The following MECOM variants were observed in gnomAD, a reference collection of about 807,000 sequenced individuals.
The protein encoded by MECOM is histone-lysine N-methyltransferase MECOM.
Under a neutral mutation model 116.3 loss-of-function variants are expected in MECOM, and 13 were observed. The observed-to-expected ratio is 0.11, with a 90% confidence interval of 0.07 to 0.18. MECOM has a LOEUF of 0.18. MECOM is among the 10% of genes least tolerant of loss of function. The pLI, the probability that MECOM is intolerant of heterozygous loss-of-function variation, is 1.00. For synonymous variants in MECOM, 528 were observed against 535.2 expected (o/e 0.99, Z 0.19); for missense variants, 1,299 against 1,509.0 (o/e 0.86, Z 2.31).
chr3:169,380,086 T>C (rs1732143951), intron 2 of MECOM, among the ~76,000 whole-genome samples: 1 of 152,128 alleles, frequency 6.6e-6, no homozygotes, highest in South Asian at 2.1e-4. Flanking sequence ...AGAGGATACA[T>C]ATAAAGCAAG....
At chr3:169,348,074 T>TA (rs1299713328) in intron 2 of MECOM, among the ~76,000 whole-genome samples, 2 of 151,204 alleles carry the variant, frequency 1.3e-5, no homozygotes, top group African/African-American at 2.4e-5. Flanking sequence ...CACTGAGCCT[T>TA]AAAAAAAAAT....
chr3:169,591,195 T>C (rs1766360538), intron 1 of MECOM, among the ~76,000 whole-genome samples: 1 of 152,156 alleles, frequency 6.6e-6, no homozygotes, highest in Non-Finnish European at 1.5e-5. Flanking sequence ...CTCTCGCTTA[T>C]TAGTGGAGGA....
In MECOM at chr3:169,611,281, A is replaced by G. The variant is rs986110694; in HGVS notation, c.37+52055T>C. On this transcript the variant is annotated intron_variant, in intron 1 of 16. Transcript: ENST00000651503. The surrounding 1 kb of genome is among the most constrained non-coding windows in gnomAD (Gnocchi z 4.1). ...TCGGGCACTGCCACTGTCTCTTCCA[A>G]TGCAATTTGTACATTATGCCGAATC... is the stretch of plus-strand genomic sequence containing the variant. 5.9e-5 allele frequency among the ~76,000 whole-genome samples: 9 copies of G among 152,196 alleles called. No homozygotes were observed. The highest frequency in any genetic ancestry group is 1.9e-4 in the African/African-American group (8 of 41,438).
At chr3:169,161,853 G>A (rs745679890) in intron 2 of MECOM, among the ~76,000 whole-genome samples, 3 of 152,044 alleles carry the variant, frequency 2.0e-5, no homozygotes, top group Non-Finnish European at 4.4e-5. Context: ...AGGCCTATGC[G>A]GGGAACAATT....
intron 1 of MECOM, among the ~76,000 whole-genome samples, chr3:169,485,687 C>T (rs915711942): frequency 1.3e-5 from 2 of 151,390 alleles, no homozygotes; most frequent in Admixed American, 1.3e-4. Context: ...ACTAAAAAGG[C>T]TGCGTGCTCA....
intron 2 of MECOM, among the ~76,000 whole-genome samples, chr3:169,367,586 T>C (rs1729406041): frequency 6.6e-6 from 1 of 152,066 alleles, no homozygotes; most frequent in African/African-American, 2.4e-5. Context: ...GTGTGGGTTC[T>C]AGAAACATTG....
At chr3:169,234,215 C>A (rs1222801976) in intron 2 of MECOM, among the ~76,000 whole-genome samples, 1 of 151,244 alleles carries the variant, frequency 6.6e-6, no homozygotes, top group Non-Finnish European at 1.5e-5. Flanking sequence ...AGTTTCTGCC[C>A]ACCCCCACAG....
chr3:169,576,525 T>C (rs755538999), intron 1 of MECOM, among the ~76,000 whole-genome samples: 2 of 152,160 alleles, frequency 1.3e-5, no homozygotes, highest in South Asian at 2.1e-4. Flanking sequence ...CAATTAAACA[T>C]GGCCTTCCTC....
chr3:169,428,215 C>T (rs986703187), intron 1 of MECOM, among the ~76,000 whole-genome samples: 1 of 152,158 alleles, frequency 6.6e-6, no homozygotes, highest in Non-Finnish European at 1.5e-5. Flanking sequence ...AGAACTTCAA[C>T]AAAATAAATG....
Position 169,361,178 on chromosome 3 carries a change from CACT to C in MECOM, c.375+20006_375+20008del, listed in dbSNP as rs530324060. On this transcript the variant is annotated intron_variant, in intron 2 of 16. Coordinates refer to ENST00000651503, the MANE Select transcript of MECOM (RefSeq NM_004991.4). ...TACCTCTCTCAACCCTGCTCCACCGCACTACAAGAACATAAATTAATTAGACAC... is the reference window on the plus strand; with the variant it reads ...TACCTCTCTCAACCCTGCTCCACCGCACAAGAACATAAATTAATTAGACAC... Among the ~76,000 whole-genome samples, 256 of 152,018 alleles carry C rather than the reference CACT, an allele frequency of 1.7e-3. 1 individual carries two copies. The highest frequency in any genetic ancestry group is 5.1e-3 in the African/African-American group (210 of 41,518).
At chr3:169,157,865 G>A (rs1742233416) in intron 2 of MECOM, among the ~76,000 whole-genome samples, 1 of 152,120 alleles carries the variant, frequency 6.6e-6, no homozygotes, top group Non-Finnish European at 1.5e-5. Context: ...AGAAAAATAT[G>A]CACCCTGATT....
At chr3:169,205,906 G>T (rs1286065468) in intron 2 of MECOM, among the ~76,000 whole-genome samples, 3 of 152,180 alleles carry the variant, frequency 2.0e-5, no homozygotes, top group Non-Finnish European at 4.4e-5. Flanking sequence ...AATTGAAAAT[G>T]TTCACCCCAA....
chr3:169,182,896 C>G (rs1257794789), intron 2 of MECOM, among the ~76,000 whole-genome samples: 1 of 151,870 alleles, frequency 6.6e-6, no homozygotes. Context: ...AAAAAAAATA[C>G]TTGGCTAAAC....
intron 2 of MECOM, among the ~76,000 whole-genome samples, chr3:169,184,129 G>A (rs1746410736): frequency 6.6e-6 from 1 of 152,120 alleles, no homozygotes; most frequent in South Asian, 2.1e-4. Flanking sequence ...CTCCCAAAGT[G>A]CTGGGATTAC....
chr3:169,343,082 G>C (rs1014542464), intron 2 of MECOM, among the ~76,000 whole-genome samples: 3 of 152,122 alleles, frequency 2.0e-5, no homozygotes, highest in African/African-American at 7.2e-5. Flanking sequence ...GCAAAGAAAG[G>C]AAACAATCAG....
At chr3:169,314,727 C>G (rs192107156) in intron 2 of MECOM, among the ~76,000 whole-genome samples, 2 of 152,014 alleles carry the variant, frequency 1.3e-5, no homozygotes, top group East Asian at 3.9e-4. Context: ...AAAAAGCAAG[C>G]ATTGGCCGCA....
At chr3:169,558,269 GA>G (rs1762261347) in intron 1 of MECOM, among the ~76,000 whole-genome samples, 1 of 152,108 alleles carries the variant, frequency 6.6e-6, no homozygotes, top group Non-Finnish European at 1.5e-5. Flanking sequence ...GCAGAGTCGA[GA>G]AAAATATGAA....
chr3:169,527,256 A>G (rs894312282), intron 1 of MECOM, among the ~76,000 whole-genome samples: 1 of 152,328 alleles, frequency 6.6e-6, no homozygotes, highest in South Asian at 2.1e-4. Flanking sequence ...GGAATGGTAT[A>G]GGAGAAAAAG....
chr3:169,327,698 G>A (rs1367267747), intron 2 of MECOM, among the ~76,000 whole-genome samples: 1 of 149,002 alleles, frequency 6.7e-6, no homozygotes, highest in Non-Finnish European at 1.5e-5. Context: ...TTTTTGCCAA[G>A]ATCTAGGTCA....
Sources: allele counts gnomAD v4.1 joint callset (sites outside exome capture counted in the v4.1 genomes callset), GRCh38; gene constraint gnomAD v4.1.1; non-coding constraint Gnocchi (gnomAD v3.1); transcripts MANE v1.5; gene names NCBI Gene and HGNC (gene_info 2026-07-23, HGNC 2026-07-21).